PREX1: variants seen among roughly 807,000 people sequenced by gnomAD.
The protein encoded by PREX1 is phosphatidylinositol-3,4,5-trisphosphate dependent Rac exchange factor 1.
A neutral mutation model predicts 198.3 loss-of-function variants in PREX1; 41 were observed. The observed-to-expected ratio is 0.21, with a 90% CI of 0.16 to 0.27. The LOEUF is 0.27. Among genes scored for constraint, PREX1 ranks in the 10% least tolerant of loss-of-function variants. PREX1 has a pLI of 1.00. For missense variants in PREX1, 1,620 were observed against 2,200.7 expected, an observed-to-expected ratio of 0.74 and a Z score of 5.28; for synonymous variants, 843 against 887.2, an observed-to-expected ratio of 0.95 and a Z score of 0.89.
intron 7 of PREX1, among the ~76,000 whole-genome samples, chr20:48,693,591 CTTATT>C (rs958604058): frequency 2.0e-5 from 3 of 152,278 alleles, no homozygotes; most frequent in South Asian, 4.1e-4. Context: ...CTGTTGTTTA[CTTATT>C]TTATTTTATT....
intron 26 of PREX1, among the ~76,000 whole-genome samples, chr20:48,645,172 C>G (rs1259687979): frequency 2.0e-5 from 3 of 152,188 alleles, no homozygotes; most frequent in African/African-American, 7.2e-5. Flanking sequence ...GCTGCGAGGA[C>G]TGGGGGGAAG....
the PREX1 span, among the ~76,000 whole-genome samples, chr20:48,868,819 A>G: frequency 3.3e-5 from 5 of 152,322 alleles, no homozygotes; most frequent in East Asian, 5.8e-4. Flanking sequence ...AGAGCATAAC[A>G]AACACATTGT....
At position 48,664,860 on chromosome 20, in the gene PREX1, G is replaced by A. The variant is rs558462688; in HGVS notation, c.1738+1423C>T. Among the ~76,000 whole-genome samples, 1,274 of 142,766 alleles carry A rather than the reference G, an allele frequency of 8.9e-3. 7 individuals are homozygous for A. The highest frequency in any genetic ancestry group is 0.015 in the Non-Finnish European group (972 of 65,340). 93.7% of individuals were successfully genotyped at this position (142,766 alleles called of 152,430 possible). A position where few individuals can be genotyped will look rare whatever the true frequency, so the allele number is the denominator to read the frequency against. On this transcript the variant is annotated intron_variant, in intron 15 of 39. Transcript: ENST00000371941. The stretch of plus-strand genomic sequence containing the variant: ...TTCTAATCCCGGCTCCAGACGGCCT[G>A]AATTCTAATCCCGGCTCCAGACGGC...
the PREX1 span, among the ~76,000 whole-genome samples, chr20:48,874,729 T>C: frequency 6.6e-6 from 1 of 151,748 alleles, no homozygotes; most frequent in African/African-American, 2.4e-5. Context: ...ATACAAAAAT[T>C]AGCTGGGCAT....
intron 6 of PREX1, among the ~76,000 whole-genome samples, chr20:48,708,016 G>C (rs752348655): frequency 6.6e-6 from 1 of 152,210 alleles, no homozygotes; most frequent in Non-Finnish European, 1.5e-5. Context: ...AAGGAAACTA[G>C]AGGCTCCAGT....
At chr20:48,740,408 C>T (rs1051600159) in intron 3 of PREX1, among the ~76,000 whole-genome samples, 3 of 152,218 alleles carry the variant, frequency 2.0e-5, no homozygotes, top group African/African-American at 4.8e-5. Context: ...CTGTCTGAGG[C>T]GGTACACCCA....
At chr20:48,710,864 G>A (rs999115629) in intron 5 of PREX1, among the ~76,000 whole-genome samples, 7 of 152,334 alleles carry the variant, frequency 4.6e-5, no homozygotes, top group African/African-American at 1.2e-4. Flanking sequence ...GAAGCAGCAG[G>A]GAGGCCAGCG....
rs2089912385 is a variant in PREX1 at position 48,708,153 on chromosome 20, CA to C, written c.783+106del. ...TCTTTTGCAAACACTGTAGGCCAAA[CA>C]AAATACATTGCAGACTGACAGGTGC... On this transcript the variant is annotated intron_variant, in intron 6 of 39. Coordinates refer to ENST00000371941, the MANE Select transcript of PREX1 (RefSeq NM_020820.4). 4 of 1,267,690 alleles carry C rather than the reference CA, an allele frequency of 3.2e-6. No homozygotes were observed. In the South Asian group the frequency reaches 5.8e-5, roughly 18 times the overall value. The allele number at this position is 1,267,690 out of a possible 1,614,324, so 78.5% of individuals were successfully genotyped here.
At chr20:48,832,688 AT>A, upstream of PREX1, among the ~76,000 whole-genome samples, 1 of 152,212 alleles carries the variant, frequency 6.6e-6, no homozygotes, top group South Asian at 2.1e-4. Context: ...CCAAAATATA[AT>A]CGTCTTCCTA....
rs962097220 is a variant in PREX1 at position 48,645,788 on chromosome 20, C to T, written c.3512+63G>A. 16 of 1,554,622 alleles carry T rather than the reference C, an allele frequency of 1.0e-5. No individual in the cohort carries two copies. The Admixed American group carries it at 2.9e-4, about 28-fold the overall frequency. On this transcript the variant is annotated intron_variant, in intron 26 of 39. Coordinates refer to ENST00000371941, the MANE Select transcript of PREX1 (RefSeq NM_020820.4). ...CACTGATTCTGATGTTGCCACGGGT[C>T]CGTGGCCTCACCTGTCCAGGGCCAT...
At chr20:48,732,015 T>G (rs1424400041) in intron 4 of PREX1, among the ~76,000 whole-genome samples, 1 of 152,158 alleles carries the variant, frequency 6.6e-6, no homozygotes, top group Non-Finnish European at 1.5e-5. Flanking sequence ...GCAGGGACTG[T>G]CACAGGGTGG....
chr20:48,820,694 T>A (rs1188579676), intron 1 of PREX1, among the ~76,000 whole-genome samples: 1 of 152,190 alleles, frequency 6.6e-6, no homozygotes. Flanking sequence ...TGGAGACATC[T>A]GTGGTTGTCA....
chr20:48,785,484 T>C (rs1568863381), intron 1 of PREX1, among the ~76,000 whole-genome samples: 1 of 152,222 alleles, frequency 6.6e-6, no homozygotes, highest in Non-Finnish European at 1.5e-5. Context: ...TGGGACCCCC[T>C]GGTGGTGCCA....
chr20:48,661,433 AAAAAAAAAAAAATATAT>A (rs2089590806), intron 15 of PREX1, among the ~76,000 whole-genome samples: 1 of 107,910 alleles, frequency 9.3e-6, no homozygotes, highest in East Asian at 2.2e-4. Context: ...AAAAAAAAAA[AAAAAAAAAAAAATATAT>A]ATATATATAT....
chr20:48,808,212 G>T (rs539423568), intron 1 of PREX1, among the ~76,000 whole-genome samples: 1 of 152,078 alleles, frequency 6.6e-6, no homozygotes, highest in Non-Finnish European at 1.5e-5. Flanking sequence ...GAGCTGGAGC[G>T]GCCCCAAATT....
intron 1 of PREX1, among the ~76,000 whole-genome samples, chr20:48,787,645 C>T (rs1314316682): frequency 7.1e-6 from 1 of 141,186 alleles, no homozygotes; most frequent in African/African-American, 2.6e-5. Flanking sequence ...AAAAACAAAA[C>T]AAAACAAAAA....
chr20:48,852,865 G>A, the PREX1 span, among the ~76,000 whole-genome samples: 1 of 152,228 alleles, frequency 6.6e-6, no homozygotes, highest in African/African-American at 2.4e-5. Flanking sequence ...CAGTGCTTTA[G>A]GTACTGGTAT....
In PREX1 at chr20:48,676,190, C is replaced by T. The variant is rs1211843330; in HGVS notation, c.1665+3G>A. On this transcript the variant is annotated splice_donor_region_variant and intron_variant, in intron 14 of 39. Coordinates refer to ENST00000371941, the MANE Select transcript of PREX1 (RefSeq NM_020820.4). ...GGTCACACACCCCTGAGGAGGCCCT[C>T]ACCTGAGCCAGCAGCCAGTCCACCA... 6.2e-7 allele frequency: 1 copy of T among 1,613,718 alleles called. No individual in the cohort carries two copies. The highest frequency in any genetic ancestry group is 1.1e-5 in the South Asian group (1 of 91,074).
intron 10 of PREX1, among the ~76,000 whole-genome samples, chr20:48,686,117 G>A (rs567212625): frequency 1.3e-5 from 2 of 152,222 alleles, no homozygotes; most frequent in African/African-American, 2.4e-5. Flanking sequence ...TTTTAAAATG[G>A]GGGTAGTGGC....
Sources: gnomAD v4.1 joint callset for allele counts (sites outside exome capture counted in the v4.1 genomes callset) on GRCh38, gnomAD v4.1.1 for gene constraint, MANE v1.5 for transcripts, NCBI Gene and HGNC (gene_info 2026-07-23, HGNC 2026-07-21) for gene names.